DLGAP2: variants seen among roughly 807,000 people sequenced by gnomAD.
The protein encoded by DLGAP2 is disks large-associated protein 2.
A neutral mutation model predicts 100.3 loss-of-function variants in DLGAP2; 26 were observed. That is an observed-to-expected ratio of 0.26 (90% CI 0.19 to 0.36). DLGAP2 has a LOEUF of 0.36. Ranked by LOEUF, DLGAP2 falls within the 10% of genes least tolerant of loss-of-function variation. The pLI is 1.00. For synonymous variants in DLGAP2, 886 were observed against 630.1 expected (o/e 1.41, Z -6.08); for missense variants, 1,858 against 1,453.2 (o/e 1.28, Z -4.53).
Position 1,113,755 on chromosome 8 carries a change from C to T in DLGAP2, c.74-145096C>T, listed in dbSNP as rs138648149. Among the ~76,000 whole-genome samples, 766 of 152,124 alleles carry T rather than the reference C, an allele frequency of 5.0e-3. 2 individuals carry two copies. Among genetic ancestry groups the T allele is most frequent in the African/African-American group, 0.017 (686 of 41,498 alleles). Reference sequence around the variant, plus strand: ...TATGTTGAATGGGACTAGTGAGAGTCGGCGTCCTTGTCTTGTGCTAGTTTT... The same window carrying T: ...TATGTTGAATGGGACTAGTGAGAGTTGGCGTCCTTGTCTTGTGCTAGTTTT... On this transcript the variant is annotated intron_variant, in intron 2 of 14. Transcript: ENST00000637795.
chr8:1,366,384 T>G (rs1026338366), intron 3 of DLGAP2, among the ~76,000 whole-genome samples: 3 of 152,214 alleles, frequency 2.0e-5, no homozygotes, highest in Non-Finnish European at 2.9e-5. Flanking sequence ...AGAACTGTCA[T>G]TCTGCAAGGG....
At chr8:1,515,729 C>G (rs1456843494) in intron 4 of DLGAP2, among the ~76,000 whole-genome samples, 1 of 149,690 alleles carries the variant, frequency 6.7e-6, no homozygotes, top group African/African-American at 2.5e-5. Flanking sequence ...CACAGATAGG[C>G]ACACTCACAC....
intron 3 of DLGAP2, among the ~76,000 whole-genome samples, chr8:1,488,263 C>A (rs1554482125): frequency 1.3e-5 from 2 of 152,292 alleles, no homozygotes; most frequent in East Asian, 3.9e-4. Context: ...ATCTCCCAAA[C>A]ACAGACGCCC....
chr8:780,507 C>T (rs532852148), intron 1 of DLGAP2, among the ~76,000 whole-genome samples: 1 of 152,174 alleles, frequency 6.6e-6, no homozygotes, highest in Admixed American at 6.5e-5. Context: ...ATTGCTGGGT[C>T]TTGTGCTAGC....
At chr8:1,651,387 A>G (rs1387970796) in intron 8 of DLGAP2, among the ~76,000 whole-genome samples, 2 of 152,116 alleles carry the variant, frequency 1.3e-5, no homozygotes, top group African/African-American at 4.8e-5. Flanking sequence ...TCCTGCAGAG[A>G]GCAGCTCTCT....
At chr8:806,971 T>G (rs1289648819) in intron 1 of DLGAP2, among the ~76,000 whole-genome samples, 1 of 152,208 alleles carries the variant, frequency 6.6e-6, no homozygotes, top group African/African-American at 2.4e-5. Context: ...CCCCTGGAAC[T>G]GGGCATCTAA....
chr8:959,007 C>T lies in DLGAP2; in HGVS notation c.73+51041C>T, dbSNP rs555318938. 1.2e-4 allele frequency among the ~76,000 whole-genome samples: 18 copies of T among 152,306 alleles called. 1 individual carries two copies. The South Asian group carries it at 1.7e-3, about 14-fold the overall frequency. On this transcript the variant is annotated intron_variant, in intron 2 of 14. Coordinates refer to ENST00000637795, the MANE Select transcript of DLGAP2 (RefSeq NM_001346810.2). The stretch of plus-strand genomic sequence containing the variant: ...TATGCAGCAACAAAATGTCTTTCCA[C>T]GGATACAATCCAAATTCAGTGAGAA...
At chr8:1,070,807 A>G (rs1439867314) in intron 2 of DLGAP2, among the ~76,000 whole-genome samples, 1 of 152,080 alleles carries the variant, frequency 6.6e-6, no homozygotes, top group East Asian at 1.9e-4. Context: ...CCGTGTAGAG[A>G]GGCCGTCTGC....
Position 1,449,829 on chromosome 8 carries a change from G to GGCTGAGGCGGA in DLGAP2, c.107-51533_107-51532insAGGCGGAGCTG, listed in dbSNP as rs1285935243. Among the ~76,000 whole-genome samples the GGCTGAGGCGGA allele has an allele frequency of 5.9e-4, 86 of 146,132 alleles. 7 individuals carry two copies. The highest frequency in any genetic ancestry group is 1.1e-3 in the Admixed American group (16 of 14,306). On this transcript the variant is annotated intron_variant, in intron 3 of 14. Coordinates refer to ENST00000637795, the MANE Select transcript of DLGAP2 (RefSeq NM_001346810.2). ...TGAAGACGAGGTGGGCGGCCTCGGT[G>GGCTGAGGCGGA]GCTGTGACTGTAGCGGAGCTGTGAG... is the stretch of plus-strand genomic sequence containing the variant.
chr8:1,052,253 T>G (rs774331330), intron 2 of DLGAP2, among the ~76,000 whole-genome samples: 62 of 152,032 alleles, frequency 4.1e-4, no homozygotes, highest in Non-Finnish European at 6.9e-4. Flanking sequence ...GCCCAGGGGG[T>G]TTTACCTCAT....
chr8:1,601,765 T>A (rs1275237366), intron 6 of DLGAP2, among the ~76,000 whole-genome samples: 1 of 152,176 alleles, frequency 6.6e-6, no homozygotes, highest in Non-Finnish European at 1.5e-5. Context: ...CAGAGCTCTC[T>A]CGTAGCTTAG....
chr8:879,448 G>A (rs1384047733), intron 1 of DLGAP2, among the ~76,000 whole-genome samples: 1 of 152,144 alleles, frequency 6.6e-6, no homozygotes, highest in Non-Finnish European at 1.5e-5. Flanking sequence ...CCCAGGTGGG[G>A]GTGTTGAGCG....
chr8:1,362,761 A>G (rs1371536616), intron 3 of DLGAP2, among the ~76,000 whole-genome samples: 1 of 152,172 alleles, frequency 6.6e-6, no homozygotes, highest in African/African-American at 2.4e-5. Flanking sequence ...AACAGCGTCC[A>G]TTTCTGTACT....
chr8:1,364,992 G>A (rs987098526), intron 3 of DLGAP2, among the ~76,000 whole-genome samples: 1 of 152,194 alleles, frequency 6.6e-6, no homozygotes, highest in Non-Finnish European at 1.5e-5. Flanking sequence ...TGTTCACAGG[G>A]ATGGGAACCG....
intron 2 of DLGAP2, among the ~76,000 whole-genome samples, chr8:1,128,347 G>C (rs541168214): frequency 1.3e-5 from 2 of 150,758 alleles, no homozygotes; most frequent in Non-Finnish European, 2.9e-5. Context: ...GTTGTGTTCC[G>C]TGAGGACCTG....
chr8:1,336,294 G>A (rs1456183491), intron 3 of DLGAP2, among the ~76,000 whole-genome samples: 1 of 152,230 alleles, frequency 6.6e-6, no homozygotes, highest in Admixed American at 6.5e-5. Context: ...GAGATCTGAA[G>A]CACCTTCGTT....
chr8:1,212,735 T>A (rs1331210761), intron 2 of DLGAP2, among the ~76,000 whole-genome samples: 1 of 151,538 alleles, frequency 6.6e-6, no homozygotes, highest in Non-Finnish European at 1.5e-5. Flanking sequence ...CAGTACCTTT[T>A]TGCCAAGACC....
rs556262730 is a variant in DLGAP2, at chr8:1,237,891, T to C, written c.74-20960T>C. On this transcript the variant is annotated intron_variant, in intron 2 of 14. Transcript: ENST00000637795. The stretch of plus-strand genomic sequence containing the variant: ...TGGCGCCGTGTCTAGTTCTCTCACA[T>C]GGTGCCGTATCTAGTTCTCTCTCAC... Among the ~76,000 whole-genome samples, 21 of 10,386 alleles carry C rather than the reference T, an allele frequency of 2.0e-3. 8 individuals carry two copies. In the South Asian group the frequency reaches 0.064, roughly 31 times the overall value. 6.8% of individuals were successfully genotyped at this position (10,386 alleles called of 152,430 possible). A position where few individuals can be genotyped will look rare whatever the true frequency, so the allele number is the denominator to read the frequency against.
chr8:1,501,535 T>A lies in DLGAP2; in HGVS notation c.172+104T>A. 4.3e-6 allele frequency: 5 copies of A among 1,158,162 alleles called. 1 individual carries two copies. The South Asian group carries it at 5.6e-5, about 13-fold the overall frequency. 71.7% of individuals were successfully genotyped at this position (1,158,162 alleles called of 1,614,324 possible). ...ACCGTCCCACAAACACACGTTAGCA[T>A]GTTTAGAAAGGGAGCTAAGAAGAAC... On this transcript the variant is annotated intron_variant, in intron 4 of 14. Coordinates refer to ENST00000637795, the MANE Select transcript of DLGAP2 (RefSeq NM_001346810.2).
Sources: allele counts gnomAD v4.1 joint callset (sites outside exome capture counted in the v4.1 genomes callset), GRCh38; gene constraint gnomAD v4.1.1; transcripts MANE v1.5; gene names NCBI Gene and HGNC (gene_info 2026-07-23, HGNC 2026-07-21).